EPN2: variants seen among roughly 807,000 people sequenced by gnomAD.
The protein encoded by EPN2 is epsin-2.
EPN2 carries 34 observed loss-of-function variants against 61.7 expected under a neutral mutation model. That is an observed-to-expected ratio of 0.55 (90% CI 0.42 to 0.73). The LOEUF (loss-of-function observed/expected upper bound fraction) is 0.73, where lower values mean the gene tolerates loss of function less well. Among genes scored for constraint, EPN2 ranks in the 30% least tolerant of loss-of-function variants. The probability of loss-of-function intolerance (pLI) is 0.00; values close to 1 mark genes in which losing one functional copy is unlikely to be tolerated. For synonymous variants in EPN2, 349 were observed against 353.6 expected, an observed-to-expected ratio of 0.99 and a Z score of 0.15; for missense variants, 714 against 839.2, an observed-to-expected ratio of 0.85 and a Z score of 1.84.
At chr17:19,308,148 A>G in intron 4 of EPN2, 1 of 569,136 alleles carries the variant, frequency 1.8e-6, no homozygotes, top group Non-Finnish European at 2.2e-6. Context: ...ATCTTGGCTC[A>G]CTGCAACCTC....
intron 1 of EPN2, among the ~76,000 whole-genome samples, chr17:19,280,189 T>G (rs962105472): frequency 3.3e-5 from 5 of 152,186 alleles, no homozygotes; most frequent in African/African-American, 1.2e-4. Flanking sequence ...TCTGAGAAGC[T>G]GAAGAGTCAT....
At chr17:19,300,344 TATG>T (rs1905421047) in intron 4 of EPN2, among the ~76,000 whole-genome samples, 1 of 151,890 alleles carries the variant, frequency 6.6e-6, no homozygotes, top group Non-Finnish European at 1.5e-5. Flanking sequence ...ATATTTGAAG[TATG>T]ATAACATTAA....
At chr17:19,312,822 A>G in intron 6 of EPN2, 1 of 380,326 alleles carries the variant, frequency 2.6e-6, no homozygotes, top group Non-Finnish European at 4.8e-6. Context: ...GGAGGTCCAC[A>G]GCCTGGGCAG....
intron 4 of EPN2, among the ~76,000 whole-genome samples, chr17:19,298,859 G>T (rs544915774): frequency 7.3e-5 from 11 of 150,660 alleles, no homozygotes; most frequent in Non-Finnish European, 1.5e-4. Flanking sequence ...CCCTGTCACT[G>T]TTAATTCTTA....
In EPN2 at chr17:19,335,590, T is replaced by G; in HGVS notation, c.*1336T>G. On this transcript the variant is annotated 3_prime_UTR_variant, in exon 11 of 11. Transcript: ENST00000314728. Reference sequence around the variant, plus strand: ...GGGTGCTTCTGTGCCCACGGGTCCCTGGGCAACAGTCCCTAGGCTAAGACA... The same window carrying G: ...GGGTGCTTCTGTGCCCACGGGTCCCGGGGCAACAGTCCCTAGGCTAAGACA... 18 of 859,886 alleles carry G rather than the reference T, an allele frequency of 2.1e-5. No individual in the cohort carries two copies. Among genetic ancestry groups the G allele is most frequent in the Middle Eastern group, 2.4e-4 (1 of 4,204 alleles). 53.3% of individuals were successfully genotyped at this position (859,886 alleles called of 1,614,324 possible).
At position 19,335,561 on chromosome 17, in the gene EPN2, T is replaced by TG. The variant is rs1459060040; in HGVS notation, c.*1313dup. 2.4e-6 allele frequency: 3 copies of TG among 1,236,124 alleles called. No individual in the cohort carries two copies. The East Asian group carries it at 1.1e-4, about 43-fold the overall frequency. 76.6% of individuals were successfully genotyped at this position (1,236,124 alleles called of 1,614,324 possible). A position where few individuals can be genotyped will look rare whatever the true frequency, so the allele number is the denominator to read the frequency against. On this transcript the variant is annotated 3_prime_UTR_variant, in exon 11 of 11. Coordinates refer to ENST00000314728, the MANE Select transcript of EPN2 (RefSeq NM_014964.5). ...TGGCAGTTGTCCCGAGGGCGTGGGGTGGGGGGTGCTTCTGTGCCCACGGGT... is the reference window on the plus strand; with the variant it reads ...TGGCAGTTGTCCCGAGGGCGTGGGGTGGGGGGGTGCTTCTGTGCCCACGGGT...
chr17:19,311,851 T>C (rs1906152959), intron 5 of EPN2, among the ~76,000 whole-genome samples: 1 of 152,242 alleles, frequency 6.6e-6, no homozygotes, highest in Non-Finnish European at 1.5e-5. Context: ...GGGGTCCAAG[T>C]CACAGGAGTC....
chr17:19,329,350 C>T, intron 8 of EPN2: 1 of 527,704 alleles, frequency 1.9e-6, no homozygotes, highest in Non-Finnish European at 3.3e-6. Flanking sequence ...CACACCCTGT[C>T]CTGGGAGGCC....
chr17:19,309,116 A>G (rs1905996446), intron 4 of EPN2, among the ~76,000 whole-genome samples: 1 of 151,748 alleles, frequency 6.6e-6, no homozygotes, highest in South Asian at 2.1e-4. Context: ...ATCTCGTAGT[A>G]ACACTACGAG....
At chr17:19,244,234 G>T (rs1274726969) in intron 1 of EPN2, among the ~76,000 whole-genome samples, 3 of 152,148 alleles carry the variant, frequency 2.0e-5, no homozygotes, top group Non-Finnish European at 4.4e-5. Flanking sequence ...TGAGGCTGGT[G>T]GATCACTTGA....
chr17:19,253,950 GGT>G (rs2033727154), intron 1 of EPN2, among the ~76,000 whole-genome samples: 1 of 151,978 alleles, frequency 6.6e-6, no homozygotes, highest in Non-Finnish European at 1.5e-5. Context: ...TGGCCAACAT[GGT>G]GAAAACCCTG....
chr17:19,313,215 C>T lies in EPN2; in HGVS notation c.1083C>T (p.Asn361=). 1 of 1,604,726 alleles carries T rather than the reference C, an allele frequency of 6.2e-7. No individual in the cohort carries two copies. Among genetic ancestry groups the T allele is most frequent in the Non-Finnish European group, 8.5e-7 (1 of 1,176,984 alleles). The part of the protein sequence containing the change: ...AEPWGPSAST[N]QTNPWGGPAA... ...CCTGGGGCCCGTCAGCCTCCACTAACCAGACCAACCCCTGGGGCGGGCCAG... is the reference window on the plus strand; with the variant it reads ...CCTGGGGCCCGTCAGCCTCCACTAATCAGACCAACCCCTGGGGCGGGCCAG... The change falls in exon 7 of 11, where the codon AAC becomes AAT. Residue 361 remains asparagine (N), a synonymous_variant. Coordinates refer to ENST00000314728, the MANE Select transcript of EPN2 (RefSeq NM_014964.5).
At chr17:19,328,099 C>T (rs1181328110) in intron 7 of EPN2, among the ~76,000 whole-genome samples, 1 of 152,008 alleles carries the variant, frequency 6.6e-6, no homozygotes, top group African/African-American at 2.4e-5. Flanking sequence ...CCAGTTGTGA[C>T]CCACTAAATT....
intron 4 of EPN2, among the ~76,000 whole-genome samples, chr17:19,289,112 T>A (rs1237368542): frequency 8.9e-6 from 1 of 112,178 alleles, no homozygotes; most frequent in Non-Finnish European, 1.7e-5. Context: ...TGAGACAGAA[T>A]CTTGCACTGT....
intron 7 of EPN2, among the ~76,000 whole-genome samples, chr17:19,327,576 G>A (rs1042255374): frequency 1.3e-5 from 2 of 152,158 alleles, no homozygotes; most frequent in Admixed American, 1.3e-4. Flanking sequence ...GGGAGGCGGC[G>A]GTGGGAGGAT....
chr17:19,320,534 T>C (rs1906592011), intron 7 of EPN2, among the ~76,000 whole-genome samples: 1 of 152,174 alleles, frequency 6.6e-6, no homozygotes, highest in Non-Finnish European at 1.5e-5. Flanking sequence ...TTGAGTCATC[T>C]CAGTAGCTTC....
chr17:19,240,205 G>A (rs1015611122), intron 1 of EPN2, among the ~76,000 whole-genome samples: 1 of 152,052 alleles, frequency 6.6e-6, no homozygotes, highest in Non-Finnish European at 1.5e-5. Flanking sequence ...ATGTATACCT[G>A]GTGACCCTGA....
chr17:19,247,276 A>G (rs1006230608), intron 1 of EPN2, among the ~76,000 whole-genome samples: 1 of 152,206 alleles, frequency 6.6e-6, no homozygotes, highest in African/African-American at 2.4e-5. Context: ...CACGTGATCT[A>G]GAGGCAAATA....
rs116947413 is a variant in EPN2, at chr17:19,264,927, G to A, written c.-293-17028G>A. On this transcript the variant is annotated intron_variant, in intron 1 of 10. Transcript: ENST00000314728. ...TGGAGGGAAAGCCGGAAGCCCAGGCGAGCTCCAAGGCCTCTGGCTCAGTCA... is the reference window on the plus strand; with the variant it reads ...TGGAGGGAAAGCCGGAAGCCCAGGCAAGCTCCAAGGCCTCTGGCTCAGTCA... Among the ~76,000 whole-genome samples, 924 of 152,086 alleles carry A rather than the reference G, an allele frequency of 6.1e-3. 5 individuals are homozygous for A. Among genetic ancestry groups the A allele is most frequent in the Non-Finnish European group, 9.5e-3 (649 of 67,966 alleles).
Sources: allele counts gnomAD v4.1 joint callset (sites outside exome capture counted in the v4.1 genomes callset), GRCh38; gene constraint gnomAD v4.1.1; transcripts MANE v1.5; gene names NCBI Gene and HGNC (gene_info 2026-07-23, HGNC 2026-07-21).